The following SPART variants were observed in gnomAD, a reference collection of about 807,000 sequenced individuals.
The protein encoded by SPART is spartin, also known as spastic paraplegia 20 (Troyer syndrome).
A neutral mutation model predicts 58.7 loss-of-function variants in SPART; 35 were observed. That is an observed-to-expected ratio of 0.60 (90% CI 0.46 to 0.79). The LOEUF (loss-of-function observed/expected upper bound fraction) is 0.79. Ranked by LOEUF, SPART falls within the 30% of genes least tolerant of loss-of-function variation. The pLI is 0.00. For missense variants in SPART, 730 were observed against 786.1 expected (o/e 0.93, Z 0.85); for synonymous variants, 284 against 280.7 (o/e 1.01, Z -0.12).
intron 3 of SPART, among the ~76,000 whole-genome samples, chr13:36,330,206 T>G (rs546165813): frequency 5.9e-5 from 9 of 152,212 alleles, no homozygotes; most frequent in African/African-American, 2.2e-4. Flanking sequence ...TGTGAATACT[T>G]AAGAGCATCA....
chr13:36,313,923 C>A, intron 6 of SPART: 1 of 394,584 alleles, frequency 2.5e-6, no homozygotes, highest in South Asian at 2.8e-5. Flanking sequence ...ATCAGAACAA[C>A]CCTTTAACCA....
chr13:36,368,961 T>C (rs540041861), intron 1 of SPART, among the ~76,000 whole-genome samples: 62 of 152,310 alleles, frequency 4.1e-4, no homozygotes, highest in African/African-American at 1.4e-3. Context: ...ATCGTGCCAC[T>C]GCACTCCAGC....
At chr13:36,311,996 A>G (rs1566109892) in intron 8 of SPART, 149 bp downstream of exon 8, 2 of 708,902 alleles carry the variant, frequency 2.8e-6, no homozygotes, top group Admixed American at 2.1e-5. Flanking sequence ...CTGAGGCAGG[A>G]GAAATGCCTG....
At chr13:36,343,578 A>G (rs952717114) in intron 1 of SPART, among the ~76,000 whole-genome samples, 3 of 152,206 alleles carry the variant, frequency 2.0e-5, no homozygotes, top group African/African-American at 7.2e-5. Flanking sequence ...ACAGTTTTAC[A>G]AAAATTATTT....
chr13:36,327,901 C>T (rs1005444681), intron 4 of SPART, among the ~76,000 whole-genome samples: 4 of 152,008 alleles, frequency 2.6e-5, no homozygotes, highest in African/African-American at 7.3e-5. Flanking sequence ...GGTTGAGACA[C>T]GAGAATTGCT....
At chr13:36,334,911 G>C (rs931808249) in intron 2 of SPART, 110 bp downstream of exon 2, 1 of 841,126 alleles carries the variant, frequency 1.2e-6, no homozygotes, top group African/African-American at 1.7e-5. Flanking sequence ...AAACAAAGTA[G>C]AATTTGTCGT....
intron 8 of SPART, among the ~76,000 whole-genome samples, chr13:36,311,386 C>T (rs1593222700): frequency 6.6e-6 from 1 of 152,158 alleles, no homozygotes. Context: ...TGAAGATATA[C>T]CATCTACCCA....
At chr13:36,321,452 A>G (rs1882380739) in intron 5 of SPART, among the ~76,000 whole-genome samples, 1 of 152,194 alleles carries the variant, frequency 6.6e-6, no homozygotes, top group South Asian at 2.1e-4. Flanking sequence ...TCCTTCTGTT[A>G]TTCCATTTAG....
chr13:36,344,035 TAAAAAAA>T (rs35639781), intron 1 of SPART, among the ~76,000 whole-genome samples: 2 of 129,860 alleles, frequency 1.5e-5, no homozygotes, highest in Non-Finnish European at 3.3e-5. Flanking sequence ...CTTGTCTCTT[TAAAAAAA>T]AAAAAAAAAG....
In SPART at chr13:36,304,521, T is replaced by C; in HGVS notation, c.1845A>G (p.Lys615=). 6.2e-7 allele frequency: 1 copy of C among 1,614,142 alleles called. No homozygotes were observed. The highest frequency in any genetic ancestry group is 8.5e-7 in the Non-Finnish European group (1 of 1,180,012). Residue 615 remains lysine, a synonymous_variant, in exon 9 of 9, where the codon AAA becomes AAG. Transcript: ENST00000438666. The part of the protein sequence containing the change: ...NNIGIKAMVK[K]TATQTGHTLL... ...GAGTGTGTCCTGTTTGTGTTGCAGT[T>C]TTCTTCACCATTGCTTTGATACCAA...
At chr13:36,309,281 C>T (rs1031578544) in intron 8 of SPART, among the ~76,000 whole-genome samples, 4 of 151,560 alleles carry the variant, frequency 2.6e-5, no homozygotes, top group Admixed American at 6.6e-5. Flanking sequence ...AAATGATATG[C>T]CACATTGCTT....
At chr13:36,350,307 G>C (rs1184417677), upstream of SPART, among the ~76,000 whole-genome samples, 1 of 152,180 alleles carries the variant, frequency 6.6e-6, no homozygotes, top group Non-Finnish European at 1.5e-5. Flanking sequence ...CACAGATGGA[G>C]CTCTTTCAGT....
chr13:36,348,475 T>C (rs2137684074), upstream of SPART, among the ~76,000 whole-genome samples: 1 of 152,314 alleles, frequency 6.6e-6, no homozygotes, highest in Admixed American at 6.5e-5. Flanking sequence ...AAGAATTTAC[T>C]ACAACACTGT....
chr13:36,304,587 A>G lies in SPART; in HGVS notation c.1779T>C (p.Ser593=). The G allele has an allele frequency of 6.2e-7, 1 of 1,614,142 alleles. No homozygotes were observed. The highest frequency in any genetic ancestry group is 8.5e-7 in the Non-Finnish European group (1 of 1,179,998). The change falls in exon 9 of 9, where the codon TCT becomes TCC. Residue 593 remains serine, a synonymous_variant. Transcript: ENST00000438666. ...AGEATHHAVD[S]AVNVGVTAYN... ...AGGCAGTTACGCCAACATTGACCGC[A>G]GAATCCACCGCATGGTGGGTAGCTT...
At chr13:36,321,516 C>A (rs1882390561) in intron 5 of SPART, among the ~76,000 whole-genome samples, 1 of 152,196 alleles carries the variant, frequency 6.6e-6, no homozygotes, top group South Asian at 2.1e-4. Context: ...TTCTACACGA[C>A]AAATGTTTCT....
intron 1 of SPART, among the ~76,000 whole-genome samples, chr13:36,342,890 A>G (rs1203700235): frequency 2.0e-5 from 3 of 152,184 alleles, no homozygotes; most frequent in Admixed American, 6.5e-5. Flanking sequence ...GCTGATTTTT[A>G]TTCCCCAAGA....
chr13:36,358,537 TCAGGACA>T (rs1487352618), intron 1 of SPART, among the ~76,000 whole-genome samples: 14 of 152,206 alleles, frequency 9.2e-5, no homozygotes, highest in Non-Finnish European at 1.9e-4. Context: ...AAACTCTCAT[TCAGGACA>T]CAAGTAGGTC....
intron 6 of SPART, 63 bp from the exon 7 acceptor site, chr13:36,312,540 T>C: frequency 6.8e-7 from 1 of 1,478,898 alleles, no homozygotes; most frequent in Non-Finnish European, 9.4e-7. Flanking sequence ...TTTTTACCAC[T>C]CATCTTGCAA....
At chr13:36,316,171 T>C (rs960671727) in intron 5 of SPART, among the ~76,000 whole-genome samples, 7 of 152,226 alleles carry the variant, frequency 4.6e-5, no homozygotes, top group South Asian at 2.1e-4. Context: ...AAATGAGACA[T>C]TGGCAGATAT....
Sources: gnomAD v4.1 joint callset for allele counts (sites outside exome capture counted in the v4.1 genomes callset) on GRCh38, gnomAD v4.1.1 for gene constraint, MANE v1.5 for transcripts, NCBI Gene and HGNC (gene_info 2026-07-23, HGNC 2026-07-21) for gene names.